The following SRD5A2 variants were observed in gnomAD, a reference collection of about 807,000 sequenced individuals.
SRD5A2 encodes the protein 3-oxo-5-alpha-steroid 4-dehydrogenase 2.
In SRD5A2, 30 loss-of-function variants were observed where a neutral mutation model predicts 27.4. The ratio of observed to expected loss-of-function variants is 1.10; its 90% CI spans 0.82 to 1.49. SRD5A2 has a LOEUF of 1.49. SRD5A2 is among the 40% of genes most tolerant of loss of function. The pLI is 0.00. For missense variants in SRD5A2, 348 were observed against 323.4 expected (o/e 1.08, Z -0.58); for synonymous variants, 141 against 133.6 (o/e 1.06, Z -0.38).
At chr2:31,568,342 C>T (rs1406005747) in intron 1 of SRD5A2, among the ~76,000 whole-genome samples, 1 of 152,122 alleles carries the variant, frequency 6.6e-6, no homozygotes, top group African/African-American at 2.4e-5. Context: ...TTTCTTGTCC[C>T]GTGTCCGGGA....
At chr2:31,639,362 T>G in the SRD5A2 span, among the ~76,000 whole-genome samples, 2 of 152,148 alleles carry the variant, frequency 1.3e-5, no homozygotes, top group Non-Finnish European at 2.9e-5. Flanking sequence ...ACTATAGTTA[T>G]GAGGAATTGC....
At chr2:31,614,884 C>T in the SRD5A2 span, among the ~76,000 whole-genome samples, 6 of 152,064 alleles carry the variant, frequency 3.9e-5, no homozygotes, top group African/African-American at 1.4e-4. Flanking sequence ...TGGGAGGGAC[C>T]CACTGGGAGA....
chr2:31,636,713 A>C, the SRD5A2 span, among the ~76,000 whole-genome samples: 1 of 152,104 alleles, frequency 6.6e-6, no homozygotes, highest in African/African-American at 2.4e-5. Flanking sequence ...ATGCTTTTGC[A>C]GGTTCTATTG....
Position 31,524,317 on chromosome 2 carries a change from T to A in SRD5A2, c.*1879A>T, listed in dbSNP as rs1665726536. ...CCTGTGTATTCCTCAGCACCAGGAG[T>A]GGCATCTAACCTCATGACGTTTTCC... On this transcript the variant is annotated 3_prime_UTR_variant, in exon 5 of 5. Coordinates refer to ENST00000622030, the MANE Select transcript of SRD5A2 (RefSeq NM_000348.4). The A allele has an allele frequency of 4.4e-6, 1 of 228,474 alleles. No individual in the cohort carries two copies. The highest frequency in any genetic ancestry group is 2.2e-5 in the African/African-American group (1 of 45,084). The allele number at this position is 228,474 out of a possible 1,614,324, so 14.2% of individuals were successfully genotyped here. A position where few individuals can be genotyped will look rare whatever the true frequency, so the allele number is the denominator to read the frequency against.
chr2:31,649,390 C>T, the SRD5A2 span, among the ~76,000 whole-genome samples: 2 of 152,100 alleles, frequency 1.3e-5, no homozygotes, highest in East Asian at 3.9e-4. Context: ...CACCCAACAC[C>T]CACTGCCTTG....
chr2:31,582,706 T>C (rs994415372), upstream of SRD5A2, among the ~76,000 whole-genome samples: 2 of 152,158 alleles, frequency 1.3e-5, no homozygotes, highest in African/African-American at 2.4e-5. Flanking sequence ...TTCAGAGACC[T>C]CAAAACCAGC....
Position 31,580,739 on chromosome 2 carries a change from G to A in SRD5A2, c.162C>T (p.Phe54=), listed in dbSNP as rs61748133. 2.1e-4 allele frequency: 334 copies of A among 1,609,366 alleles called. No individual in the cohort carries two copies. Among genetic ancestry groups the A allele is most frequent in the Non-Finnish European group, 2.8e-4 (326 of 1,179,580 alleles). The change falls in exon 1 of 5, where the codon TTC becomes TTT. Residue 54 remains phenylalanine (F), a synonymous_variant. Coordinates refer to ENST00000622030, the MANE Select transcript of SRD5A2 (RefSeq NM_000348.4). ...ATRLPARAAW[F]LQELPSFAVP... ...CCGCGAAGGAAGGCAGCTCCTGCAG[G>A]AACCAGGCGGCGCGGGCTGGCAGGC...
intron 1 of SRD5A2, among the ~76,000 whole-genome samples, chr2:31,565,737 A>T (rs1666716565): frequency 6.6e-6 from 1 of 152,014 alleles, no homozygotes; most frequent in Non-Finnish European, 1.5e-5. Flanking sequence ...TGTAAGAAAA[A>T]AAAGCAAGTC....
At chr2:31,617,350 G>A in the SRD5A2 span, among the ~76,000 whole-genome samples, 1 of 152,034 alleles carries the variant, frequency 6.6e-6, no homozygotes, top group African/African-American at 2.4e-5. Context: ...GTCCAGCCAT[G>A]GAAGCCATTT....
chr2:31,550,859 A>G (rs746381066), intron 1 of SRD5A2, among the ~76,000 whole-genome samples: 23 of 151,986 alleles, frequency 1.5e-4, no homozygotes, highest in Non-Finnish European at 2.8e-4. Flanking sequence ...ATTCAACAAC[A>G]TGCTAGAAAT....
At chr2:31,606,531 T>C in the SRD5A2 span, among the ~76,000 whole-genome samples, 2 of 151,934 alleles carry the variant, frequency 1.3e-5, no homozygotes, top group Non-Finnish European at 2.9e-5. Flanking sequence ...CAGTATGCAC[T>C]ACCTTCCCAG....
intron 1 of SRD5A2, among the ~76,000 whole-genome samples, chr2:31,536,447 G>C (rs1156678373): frequency 2.6e-5 from 4 of 152,182 alleles, no homozygotes; most frequent in African/African-American, 9.7e-5. Context: ...GGATTGTGTA[G>C]AAGATTTTCT....
chr2:31,624,566 T>C, the SRD5A2 span, among the ~76,000 whole-genome samples: 1 of 152,104 alleles, frequency 6.6e-6, no homozygotes, highest in African/African-American at 2.4e-5. Flanking sequence ...GTCTAAGTGT[T>C]CTCATTGTTC....
intron 1 of SRD5A2, among the ~76,000 whole-genome samples, chr2:31,552,873 T>C (rs562019950): frequency 7.2e-5 from 11 of 152,124 alleles, no homozygotes; most frequent in African/African-American, 2.7e-4. Context: ...ACATAAAAAA[T>C]CTGGGAAACA....
At chr2:31,638,188 T>C in the SRD5A2 span, among the ~76,000 whole-genome samples, 1 of 152,226 alleles carries the variant, frequency 6.6e-6, no homozygotes, top group South Asian at 2.1e-4. Context: ...TATTAATCCA[T>C]TGCTCATTCA....
chr2:31,643,272 T>C, the SRD5A2 span, among the ~76,000 whole-genome samples: 2 of 152,288 alleles, frequency 1.3e-5, no homozygotes, highest in East Asian at 3.9e-4. Context: ...TTGTGTCTTC[T>C]TGGTTTGAGC....
At chr2:31,655,874 C>G in the SRD5A2 span, among the ~76,000 whole-genome samples, 1 of 152,126 alleles carries the variant, frequency 6.6e-6, no homozygotes, top group African/African-American at 2.4e-5. Context: ...ATAAAGAAAA[C>G]TAATAAGCAA....
At chr2:31,559,446 T>G (rs946974809) in intron 1 of SRD5A2, among the ~76,000 whole-genome samples, 1 of 152,208 alleles carries the variant, frequency 6.6e-6, no homozygotes, top group African/African-American at 2.4e-5. Context: ...TGATACCATA[T>G]TTTAACTGAG....
At chr2:31,639,576 A>C in the SRD5A2 span, among the ~76,000 whole-genome samples, 1 of 151,808 alleles carries the variant, frequency 6.6e-6, no homozygotes, top group East Asian at 1.9e-4. Flanking sequence ...GAAAGAGTTT[A>C]TCTCTCCTTC....
Sources: allele counts gnomAD v4.1 joint callset (sites outside exome capture counted in the v4.1 genomes callset), GRCh38; gene constraint gnomAD v4.1.1; transcripts MANE v1.5; gene names NCBI Gene and HGNC (gene_info 2026-07-23, HGNC 2026-07-21).